The following DNAH8 variants were observed in gnomAD, a reference collection of about 807,000 sequenced individuals.
DNAH8 encodes the protein dynein axonemal heavy chain 8, also known as axonemal beta dynein heavy chain 8.
Under a neutral mutation model 562.1 loss-of-function variants are expected in DNAH8, and 382 were observed. The ratio of observed to expected loss-of-function variants is 0.68; its 90% CI spans 0.63 to 0.74. The LOEUF is 0.74. Among genes scored for constraint, DNAH8 ranks in the 30% least tolerant of loss-of-function variants. The pLI, the probability that DNAH8 is intolerant of heterozygous loss-of-function variation, is 0.00. For missense variants in DNAH8, 5,203 were observed against 5,620.4 expected, an observed-to-expected ratio of 0.93 and a Z score of 2.37; for synonymous variants, 1,881 against 1,919.4, an observed-to-expected ratio of 0.98 and a Z score of 0.52.
At chr6:38,805,173 A>G (rs1465396821) in intron 22 of DNAH8, among the ~76,000 whole-genome samples, 1 of 152,222 alleles carries the variant, frequency 6.6e-6, no homozygotes, top group Non-Finnish European at 1.5e-5. Context: ...TCAAGTTGGA[A>G]AACTCAAAAG....
rs1006722860 is a variant in DNAH8 at position 38,953,725 on chromosome 6, A to G, written c.12451+2205A>G. 7.2e-5 allele frequency among the ~76,000 whole-genome samples: 11 copies of G among 152,210 alleles called. No individual in the cohort carries two copies. In the South Asian group the frequency reaches 1.9e-3, roughly 26 times the overall value. ...AGCTGTTAAAATGGAACTATTACAC[A>G]TACCGAACAACATGTTAATGTAGTC... On this transcript the variant is annotated intron_variant, in intron 82 of 92. Coordinates refer to ENST00000327475, the MANE Select transcript of DNAH8 (RefSeq NM_001206927.2).
rs953211968 is a variant in DNAH8 at position 38,924,112 on chromosome 6, C to T, written c.10912C>T (p.Pro3638Ser). ...AATGGAGTTGAGAGCACGGAAAATT[C>T]CTTTCACAGAAAACCTGAATCTTAT... ...WEMELRARKI[P>S]FTENLNLISM... Residue 3638 changes from proline to serine, a missense_variant, in exon 73 of 93, where the codon CCT (proline) becomes TCT (serine). This residue lies in a region of DNAH8 where 1,399 missense variants were observed against 1,518.4 expected (regional missense o/e 0.92). Coordinates refer to ENST00000327475, the MANE Select transcript of DNAH8 (RefSeq NM_001206927.2). 1.9e-5 allele frequency: 30 copies of T among 1,613,998 alleles called. No individual in the cohort carries two copies. The East Asian group carries it at 6.7e-4, about 36-fold the overall frequency.
chr6:38,825,734 T>A (rs1678718), intron 28 of DNAH8, among the ~76,000 whole-genome samples: 3 of 151,844 alleles, frequency 2.0e-5, no homozygotes, highest in Non-Finnish European at 2.9e-5. Context: ...GATGATGTGG[T>A]GAGTAGAAAA....
Position 38,857,734 on chromosome 6 carries a change from G to C in DNAH8, c.5950G>C (p.Asp1984His). The change falls in exon 42 of 93, where the codon GAT becomes CAT. Residue 1984 changes from aspartate (D) to histidine (H), a missense_variant. Asp to His is a moderately conservative substitution (Grantham distance 81, BLOSUM62 -1). This residue lies in a region of DNAH8 where 2,176 missense variants were observed against 2,365.1 expected (regional missense o/e 0.92). Coordinates refer to ENST00000327475, the MANE Select transcript of DNAH8 (RefSeq NM_001206927.2). ...TIHVHQRDIF[D>H]DLVKMHIKSP... Reference sequence around the variant, plus strand: ...CCATGTGCATCAGAGAGATATTTTTGATGACTTGGTAAGGTATCTTTTTTT... The same window carrying C: ...CCATGTGCATCAGAGAGATATTTTTCATGACTTGGTAAGGTATCTTTTTTT... 6.2e-7 allele frequency: 1 copy of C among 1,602,656 alleles called. No homozygotes were observed. The highest frequency in any genetic ancestry group is 8.5e-7 in the Non-Finnish European group (1 of 1,171,890).
At chr6:38,750,694 G>C (rs1200731380) in intron 9 of DNAH8, 105 bp downstream of exon 9, 2 of 632,584 alleles carry the variant, frequency 3.2e-6, no homozygotes, top group African/African-American at 3.7e-5. Flanking sequence ...GAGCCCAGGA[G>C]TGCAAGGCTG....
At chr6:39,018,023 G>A (rs1037151310) in intron 91 of DNAH8, among the ~76,000 whole-genome samples, 2 of 152,150 alleles carry the variant, frequency 1.3e-5, no homozygotes, top group African/African-American at 4.8e-5. Context: ...TTTGATGAAT[G>A]AGAGCTACCC....
At chr6:38,901,429 T>A (rs537098229) in intron 62 of DNAH8, among the ~76,000 whole-genome samples, 37 of 152,258 alleles carry the variant, frequency 2.4e-4, no homozygotes, top group African/African-American at 8.4e-4. Context: ...CAGCTCCATT[T>A]ATTAAAAAAG....
Position 38,909,591 on chromosome 6 carries a change from GC to G in DNAH8, c.9589del (p.Arg3197AlafsTer7). On this transcript the variant is annotated frameshift_variant, in exon 65 of 93. Transcript: ENST00000327475. LOFTEE classifies it high-confidence loss of function. The stretch of plus-strand genomic sequence containing the variant: ...TCAGGTTGCACTATGGACTGGTTCA[GC>G]CGCTGGCCAAGGGAGGCTCTGATTG... Reference protein sequence around the residue: ...LISGCTMDWFSRWPREALIAV... With the variant: ...LISGCTMDWFXRWPREALIAV... 1 of 1,614,166 alleles carries G rather than the reference GC, an allele frequency of 6.2e-7. No individual in the cohort carries two copies. Among genetic ancestry groups the G allele is most frequent in the Non-Finnish European group, 8.5e-7 (1 of 1,180,024 alleles).
rs143379313 is a variant in DNAH8, at chr6:38,939,743, C to T, written c.12007+755C>T. Among the ~76,000 whole-genome samples the T allele has an allele frequency of 1.1e-3, 172 of 152,152 alleles. 1 individual carries two copies. Among genetic ancestry groups the T allele is most frequent in the African/African-American group, 3.5e-3 (144 of 41,510 alleles). ...CCATGAATTGGGGAACTATTTGGTA[C>T]GTGGCAAAATGTTTCAATCTTTTTC... On this transcript the variant is annotated intron_variant, in intron 79 of 92. Transcript: ENST00000327475.
At chr6:38,972,840 T>C (rs1763435124) in intron 83 of DNAH8, among the ~76,000 whole-genome samples, 1 of 152,190 alleles carries the variant, frequency 6.6e-6, no homozygotes, top group African/African-American at 2.4e-5. Flanking sequence ...AAACTAATCC[T>C]GAATGCTGTT....
intron 56 of DNAH8, among the ~76,000 whole-genome samples, chr6:38,885,004 G>T (rs569047765): frequency 3.3e-5 from 5 of 151,978 alleles, no homozygotes; most frequent in Admixed American, 1.3e-4. Context: ...ATCCCTATTC[G>T]CCTCAGACAC....
chr6:38,869,481 A>C (rs534440935), intron 48 of DNAH8, among the ~76,000 whole-genome samples: 2 of 152,290 alleles, frequency 1.3e-5, no homozygotes, highest in South Asian at 4.2e-4. Flanking sequence ...TACTCAAGAA[A>C]GCATCAGCAA....
At chr6:38,979,259 T>A (rs1251942069) in intron 85 of DNAH8, among the ~76,000 whole-genome samples, 4 of 152,258 alleles carry the variant, frequency 2.6e-5, no homozygotes, top group Non-Finnish European at 5.9e-5. Flanking sequence ...TTATATTCAC[T>A]ATCCCATTAT....
intron 45 of DNAH8, among the ~76,000 whole-genome samples, chr6:38,864,658 T>C (rs1363944652): frequency 6.8e-6 from 1 of 146,066 alleles, no homozygotes; most frequent in Non-Finnish European, 1.5e-5. Flanking sequence ...AGACATTGGC[T>C]AAAGCAAGTT....
At chr6:39,022,840 C>T (rs893128626) in intron 91 of DNAH8, among the ~76,000 whole-genome samples, 1 of 152,202 alleles carries the variant, frequency 6.6e-6, no homozygotes, top group African/African-American at 2.4e-5. Context: ...GCACTGTGGG[C>T]TCCAGAATCG....
At chr6:39,021,902 T>C (rs572025066) in intron 91 of DNAH8, among the ~76,000 whole-genome samples, 1 of 152,372 alleles carries the variant, frequency 6.6e-6, no homozygotes, top group South Asian at 2.1e-4. Flanking sequence ...CTTTCACCTT[T>C]TCTAAGACCT....
At chr6:38,755,873 T>C (rs750233839) in intron 9 of DNAH8, 99 bp from the exon 10 acceptor site, 2 of 723,730 alleles carry the variant, frequency 2.8e-6, no homozygotes, top group Non-Finnish European at 4.7e-6. Context: ...AAAAATGCTA[T>C]ACTATTTTGT....
At chr6:38,845,130 A>T (rs1424850006) in intron 35 of DNAH8, among the ~76,000 whole-genome samples, 1 of 152,216 alleles carries the variant, frequency 6.6e-6, no homozygotes, top group African/African-American at 2.4e-5. Flanking sequence ...GCTTAAGCAA[A>T]TGAGATATTC....
intron 7 of DNAH8, among the ~76,000 whole-genome samples, 160 bp from the exon 8 acceptor site, chr6:38,741,551 T>C (rs974153576): frequency 2.0e-5 from 3 of 152,210 alleles, no homozygotes; most frequent in Non-Finnish European, 4.4e-5. Context: ...ATCTATCATA[T>C]TGAAGACATT....
Sources: allele counts gnomAD v4.1 joint callset (sites outside exome capture counted in the v4.1 genomes callset), GRCh38; gene constraint gnomAD v4.1.1; regional missense constraint gnomAD v4.1.1; transcripts MANE v1.5; gene names NCBI Gene and HGNC (gene_info 2026-07-23, HGNC 2026-07-21).